The following HSPG2 variants were observed in gnomAD, a reference collection of about 807,000 sequenced individuals.
The protein encoded by HSPG2 is basement membrane-specific heparan sulfate proteoglycan core protein.
Under a neutral mutation model 526.6 loss-of-function variants are expected in HSPG2, and 278 were observed. The ratio of observed to expected loss-of-function variants is 0.53; its 90% confidence interval spans 0.48 to 0.58. The LOEUF is 0.58. HSPG2 is among the 20% of genes least tolerant of loss of function. The pLI, the probability that HSPG2 is intolerant of heterozygous loss-of-function variation, is 0.00. For missense variants in HSPG2, 5,354 were observed against 6,099.5 expected, an observed-to-expected ratio of 0.88 and a Z score of 4.07; for synonymous variants, 2,465 against 2,555.4, an observed-to-expected ratio of 0.96 and a Z score of 1.07.
Position 21,831,532 on chromosome 1 carries a change from C to T in HSPG2, c.11383G>A (p.Glu3795Lys), listed in dbSNP as rs771879341. 1.9e-6 allele frequency: 3 copies of T among 1,614,110 alleles called. No homozygotes were observed. The highest frequency in any genetic ancestry group is 2.5e-6 in the Non-Finnish European group (3 of 1,179,990). The change falls in exon 83 of 97, where the codon GAA becomes AAA. Residue 3795 changes from glutamate (E) to lysine (K), a missense_variant. By Grantham distance (56) the Glu-to-Lys change is moderately conservative (BLOSUM62 1). Transcript: ENST00000374695. Reference protein sequence around the residue: ...GKFQGLDLNEELYLGGYPDYG... With the variant: ...GKFQGLDLNEKLYLGGYPDYG... ...TCAGGATAGCCACCCAGGTAGAGTTCCTCGTTCAGATCCAGGCCCTGGAAC... is the reference window on the plus strand; with the variant it reads ...TCAGGATAGCCACCCAGGTAGAGTTTCTCGTTCAGATCCAGGCCCTGGAAC...
intron 37 of HSPG2, among the ~76,000 whole-genome samples, chr1:21,862,512 A>G (rs926610254): frequency 7.5e-5 from 10 of 133,908 alleles, no homozygotes; most frequent in African/African-American, 2.8e-4. Flanking sequence ...TGAATCCAGG[A>G]GGTGGAGGTT....
intron 17 of HSPG2, among the ~76,000 whole-genome samples, 179 bp downstream of exon 17, chr1:21,879,928 C>T (rs145008442): frequency 1.7e-3 from 254 of 152,362 alleles, no homozygotes; most frequent in African/African-American, 5.7e-3. Flanking sequence ...GCTGGGATTA[C>T]AGGCATGAGC....
chr1:21,861,930 GCCTT>G, intron 38 of HSPG2, 54 bp downstream of exon 38: 1 of 1,613,464 alleles, frequency 6.2e-7, no homozygotes. Flanking sequence ...CCAGTGCAAC[GCCTT>G]CCACTCATTC....
intron 85 of HSPG2, 91 bp downstream of exon 85, chr1:21,830,891 C>T: frequency 1.2e-6 from 1 of 822,202 alleles, no homozygotes; most frequent in South Asian, 1.5e-5. Context: ...GTGGAAGTGC[C>T]CCAGTGGTTG....
At position 21,864,263 on chromosome 1, in the gene HSPG2, C is replaced by T. The variant is rs751190719; in HGVS notation, c.4627-50G>A. On this transcript the variant is annotated intron_variant, in intron 36 of 96. Transcript: ENST00000374695. This position sits in a 1 kb window ranked among gnomAD's most constrained non-coding sequence, Gnocchi z 4.8. ...CTCTGTTCCCAACGTGCCCCACCCACAGCCAGCAGACCCAGAACCCCTCCC... is the reference window on the plus strand; with the variant it reads ...CTCTGTTCCCAACGTGCCCCACCCATAGCCAGCAGACCCAGAACCCCTCCC... The T allele has an allele frequency of 6.9e-7, 1 of 1,446,638 alleles. No individual in the cohort carries two copies. Among genetic ancestry groups the T allele is most frequent in the South Asian group, 1.2e-5 (1 of 81,942 alleles). 89.6% of individuals were successfully genotyped at this position (1,446,638 alleles called of 1,614,324 possible).
intron 57 of HSPG2, 48 bp from the exon 58 acceptor site, chr1:21,849,079 G>C: frequency 6.2e-7 from 1 of 1,600,980 alleles, no homozygotes; most frequent in Non-Finnish European, 8.5e-7. Flanking sequence ...GGGCACTGCG[G>C]CTCACGCCAA....
At chr1:21,911,026 A>G (rs77621176) in intron 1 of HSPG2, among the ~76,000 whole-genome samples, 277 of 152,340 alleles carry the variant, frequency 1.8e-3, no homozygotes, top group African/African-American at 6.3e-3. Context: ...GAAGAAAGGC[A>G]GTCGGAGAGC....
chr1:21,910,449 G>C (rs1211079943), intron 1 of HSPG2, among the ~76,000 whole-genome samples: 1 of 152,208 alleles, frequency 6.6e-6, no homozygotes, highest in African/African-American at 2.4e-5. Flanking sequence ...GCTGGGTCCT[G>C]GCTCAACTCT....
At chr1:21,870,169 CTG>C (rs1640537892) in intron 33 of HSPG2, 2 of 864,230 alleles carry the variant, frequency 2.3e-6, no homozygotes, top group African/African-American at 3.7e-5. Context: ...GGTCTCCTCG[CTG>C]TGGCCCTAGG....
intron 13 of HSPG2, among the ~76,000 whole-genome samples, chr1:21,882,937 TA>T (rs1641621160): frequency 6.6e-6 from 1 of 152,168 alleles, no homozygotes; most frequent in Admixed American, 6.5e-5. Context: ...GCCCCGGGTC[TA>T]GGTTACTCAA....
In HSPG2 at chr1:21,876,664, G is replaced by C. The variant is rs759247158; in HGVS notation, c.2686-12C>G. 3.0e-5 allele frequency: 49 copies of C among 1,614,056 alleles called. No homozygotes were observed. Among genetic ancestry groups the C allele is most frequent in the South Asian group, 4.4e-5 (4 of 91,084 alleles). On this transcript the variant is annotated splice_polypyrimidine_tract_variant and intron_variant, in intron 21 of 96. Transcript: ENST00000374695. The stretch of plus-strand genomic sequence containing the variant: ...CCCACCACATTGTTCTGCAGGCACA[G>C]AGTTGGAGCTGAAGGACAGCCCATG...
At chr1:21,831,902 T>C in intron 81 of HSPG2, 106 bp from the exon 82 acceptor site, 1 of 1,211,864 alleles carries the variant, frequency 8.3e-7, no homozygotes, top group African/African-American at 1.5e-5. Flanking sequence ...ATGTCACCAC[T>C]TCCTGCAGTC....
intron 1 of HSPG2, among the ~76,000 whole-genome samples, chr1:21,896,693 G>A (rs1642772399): frequency 2.0e-5 from 3 of 152,116 alleles, no homozygotes; most frequent in African/African-American, 7.2e-5. Flanking sequence ...AGCGCAGATG[G>A]GGGGCACAGG....
At chr1:21,925,362 G>A (rs972112037) in intron 1 of HSPG2, among the ~76,000 whole-genome samples, 6 of 152,144 alleles carry the variant, frequency 3.9e-5, no homozygotes, top group African/African-American at 1.2e-4. Context: ...ATTTCATCTC[G>A]CAGCTGAGCC....
chr1:21,879,658 G>T lies in HSPG2; in HGVS notation c.2343+449C>A, dbSNP rs1191242882. On this transcript the variant is annotated intron_variant, in intron 17 of 96. Coordinates refer to ENST00000374695, the MANE Select transcript of HSPG2 (RefSeq NM_005529.7). ...TGTCTGGATGCTGTATCTCTGGGTTGTTTTTTTTTTCTGAGACTGAGTCTT... is the reference window on the plus strand; with the variant it reads ...TGTCTGGATGCTGTATCTCTGGGTTTTTTTTTTTTTCTGAGACTGAGTCTT... Among the ~76,000 whole-genome samples the T allele has an allele frequency of 2.0e-5, 3 of 149,418 alleles. No homozygotes were observed. The East Asian group carries it at 5.9e-4, about 29-fold the overall frequency.
rs2290498 is a variant in HSPG2, at chr1:21,855,680, C to A, written c.5702-5G>T. 5.1e-6 allele frequency: 8 copies of A among 1,578,908 alleles called. No homozygotes were observed. The South Asian group carries it at 5.7e-5, about 11-fold the overall frequency. ...GGAGCTGGCCGCCGGGGCCCCCTGA[C>A]GAGTAGACGTGGGGTCAGCACCCAC... On this transcript the variant is annotated splice_polypyrimidine_tract_variant and splice_region_variant and intron_variant, in intron 45 of 96. Coordinates refer to ENST00000374695, the MANE Select transcript of HSPG2 (RefSeq NM_005529.7).
intron 44 of HSPG2, 26 bp from the exon 45 acceptor site, chr1:21,855,938 C>A (rs1639306290): frequency 1.2e-5 from 19 of 1,603,794 alleles, no homozygotes; most frequent in Non-Finnish European, 1.4e-5. Flanking sequence ...AAGGAACATG[C>A]ACTCAGGGTG....
chr1:21,937,093 G>C (rs1318751406), intron 1 of HSPG2, 62 bp downstream of exon 1: 1 of 512,678 alleles, frequency 2.0e-6, no homozygotes, highest in East Asian at 1.0e-4. Context: ...GGCGGCGAGC[G>C]GGACCGGGGC....
chr1:21,865,510 C>T lies in HSPG2; in HGVS notation c.4315-145G>A, dbSNP rs1015207037. On this transcript the variant is annotated intron_variant, in intron 34 of 96. Transcript: ENST00000374695. This position sits in a 1 kb window ranked among gnomAD's most constrained non-coding sequence, Gnocchi z 5.4. ...CTCATGCGCCCAAAGGAGTCAGGCA[C>T]ATGCCCACTGCCCCCTTCTCCCAGC... 29 of 885,216 alleles carry T rather than the reference C, an allele frequency of 3.3e-5. No individual in the cohort carries two copies. The highest frequency in any genetic ancestry group is 5.2e-5 in the Non-Finnish European group (28 of 540,542). 54.8% of individuals were successfully genotyped at this position (885,216 alleles called of 1,614,324 possible). A position where few individuals can be genotyped will look rare whatever the true frequency, so the allele number is the denominator to read the frequency against.
Sources: allele counts gnomAD v4.1 joint callset (sites outside exome capture counted in the v4.1 genomes callset), GRCh38; gene constraint gnomAD v4.1.1; non-coding constraint Gnocchi (gnomAD v3.1); transcripts MANE v1.5; gene names NCBI Gene and HGNC (gene_info 2026-07-23, HGNC 2026-07-21).